Variants in TTC29 observed in about 807,000 individuals in gnomAD.
The protein encoded by TTC29 is tetratricopeptide repeat domain 29, also known as tetratricopeptide repeat protein 29.
In TTC29, 49 loss-of-function variants were observed where a neutral mutation model predicts 58.1. The observed-to-expected ratio is 0.84, with a 90% CI of 0.67 to 1.07. TTC29 has a LOEUF of 1.07. Among genes scored for constraint, TTC29 ranks in the 50% least tolerant of loss-of-function variants. The probability of loss-of-function intolerance (pLI) is 0.00; values close to 1 mark genes in which losing one functional copy is unlikely to be tolerated. For synonymous variants in TTC29, 209 were observed against 196.8 expected, an observed-to-expected ratio of 1.06 and a Z score of -0.52; for missense variants, 582 against 555.6, an observed-to-expected ratio of 1.05 and a Z score of -0.48.
intron 4 of TTC29, among the ~76,000 whole-genome samples, chr4:146,933,535 T>C (rs1560733725): frequency 6.6e-6 from 1 of 152,314 alleles, no homozygotes; most frequent in East Asian, 1.9e-4. Context: ...AGTACAGAAG[T>C]ACAGAAACTC....
Position 146,820,209 on chromosome 4 carries a change from T to G in TTC29, c.1017A>C (p.Lys339Asn). 6.2e-7 allele frequency: 1 copy of G among 1,612,932 alleles called. No homozygotes were observed. The highest frequency in any genetic ancestry group is 1.3e-5 in the African/African-American group (1 of 75,040). Residue 339 changes from lysine to asparagine, a missense_variant, in exon 10 of 13, where the codon AAA becomes AAC. Lys to Asn is a moderately conservative substitution (Grantham distance 94). Coordinates refer to ENST00000325106, the MANE Select transcript of TTC29 (RefSeq NM_031956.4). ...AATTGTTTCTTGCAATTTTCACAAA[T>G]TTTTTCAAGTATTTAATTGCTTCTG... ...EMTEAIKYLK[K>N]FVKIARNNFQ...
intron 11 of TTC29, among the ~76,000 whole-genome samples, chr4:146,788,922 A>T (rs1409658806): frequency 6.6e-6 from 1 of 152,134 alleles, no homozygotes; most frequent in Non-Finnish European, 1.5e-5. Flanking sequence ...TTGGGATCAG[A>T]GAGGAAAAGA....
chr4:146,728,772 CACATATAT>C (rs1561066029), intron 11 of TTC29, among the ~76,000 whole-genome samples: 68 of 124,478 alleles, frequency 5.5e-4, no homozygotes, highest in African/African-American at 2.0e-3. Flanking sequence ...CATATATATA[CACATATAT>C]ATGTGTATAT....
Position 146,707,533 on chromosome 4 carries a change from G to A in TTC29, c.1349C>T (p.Thr450Ile), listed in dbSNP as rs1421857062. 2 of 1,606,494 alleles carry A rather than the reference G, an allele frequency of 1.2e-6. No homozygotes were observed. Among genetic ancestry groups the A allele is most frequent in the Non-Finnish European group, 1.7e-6 (2 of 1,176,554 alleles). Residue 450 changes from threonine (T) to isoleucine (I), a missense_variant, in exon 12 of 13, where the codon ACA (threonine) becomes ATA (isoleucine). Thr to Ile is a moderately conservative substitution (Grantham distance 89). Coordinates refer to ENST00000325106, the MANE Select transcript of TTC29 (RefSeq NM_031956.4). ...TGAGTTTTGAGATACAGCTTCCACT[G>A]TGGATCCTCTAAACTCTTCTAAAAA... ...DPVTEEFRGS[T>I]VEAVSQNSER...
At chr4:146,931,466 G>C (rs1002178826) in intron 4 of TTC29, among the ~76,000 whole-genome samples, 1 of 152,134 alleles carries the variant, frequency 6.6e-6, no homozygotes, top group African/African-American at 2.4e-5. Flanking sequence ...GTTTCATATA[G>C]AGAATCTCAT....
chr4:146,726,870 C>T (rs574350481), intron 11 of TTC29, among the ~76,000 whole-genome samples: 30 of 152,064 alleles, frequency 2.0e-4, no homozygotes, highest in African/African-American at 6.7e-4. Context: ...CTCTGTGGAT[C>T]ACATTCCTTA....
chr4:146,815,382 G>A (rs1190764464), intron 10 of TTC29, among the ~76,000 whole-genome samples: 1 of 152,184 alleles, frequency 6.6e-6, no homozygotes, highest in Admixed American at 6.5e-5. Context: ...TAAGTGACTG[G>A]GTGGATGGAT....
intron 11 of TTC29, among the ~76,000 whole-genome samples, chr4:146,715,547 A>G (rs1504354): frequency 0.22 from 33,947 of 152,070 alleles, 4,623 homozygotes; most frequent in East Asian, 0.36. Context: ...ACTGACATGT[A>G]GAAGCTAAAA....
chr4:146,809,009 A>C (rs1579724062), intron 10 of TTC29, among the ~76,000 whole-genome samples: 1 of 151,454 alleles, frequency 6.6e-6, no homozygotes, highest in East Asian at 1.9e-4. Context: ...ACAGTAACCA[A>C]AACAGCATGG....
At chr4:146,920,935 T>C (rs921653425) in intron 4 of TTC29, among the ~76,000 whole-genome samples, 8 of 151,338 alleles carry the variant, frequency 5.3e-5, no homozygotes, top group African/African-American at 9.7e-5. Context: ...GTTTCTATTA[T>C]AGAAATAGTT....
rs1189402891 is a variant in TTC29, at chr4:146,817,778, A to G, written c.1101+2347T>C. The stretch of plus-strand genomic sequence containing the variant: ...GAACAGAGCCCTCAGAAATAACGCC[A>G]TGTATCTACAAGTATCTGATCTTTG... On this transcript the variant is annotated intron_variant, in intron 10 of 12. Transcript: ENST00000325106. 2.0e-5 allele frequency among the ~76,000 whole-genome samples: 3 copies of G among 152,192 alleles called. No individual in the cohort carries two copies. In the East Asian group the frequency reaches 5.8e-4, roughly 29 times the overall value.
At chr4:146,725,761 T>C (rs1223285448) in intron 11 of TTC29, among the ~76,000 whole-genome samples, 1 of 152,190 alleles carries the variant, frequency 6.6e-6, no homozygotes, top group Non-Finnish European at 1.5e-5. Context: ...CCAAATAGCC[T>C]ATATAGTTTA....
chr4:146,729,472 C>T (rs1252102152), intron 11 of TTC29, among the ~76,000 whole-genome samples: 1 of 151,954 alleles, frequency 6.6e-6, no homozygotes, highest in Non-Finnish European at 1.5e-5. Flanking sequence ...TATATTTTGT[C>T]ATGCAGAGTT....
intron 8 of TTC29, among the ~76,000 whole-genome samples, chr4:146,837,499 T>G (rs1728588829): frequency 6.6e-6 from 1 of 152,104 alleles, no homozygotes; most frequent in Admixed American, 6.6e-5. Flanking sequence ...ACTTAAAAGT[T>G]TTTTAAAAAG....
Position 146,945,768 on chromosome 4 carries a change from C to G in TTC29, c.-113G>C, listed in dbSNP as rs750594702. On this transcript the variant is annotated 5_prime_UTR_variant, in exon 1 of 13. Transcript: ENST00000325106. ...TTCCGTTCCGCCGAAGTCAGTCCCC[C>G]ACCGGCGGCAGGTGCTGGGCGTTGG... The G allele has an allele frequency of 6.6e-6, 1 of 152,448 alleles. No individual in the cohort carries two copies. The highest frequency in any genetic ancestry group is 1.5e-5 in the Non-Finnish European group (1 of 68,218). The allele number at this position is 152,448 out of a possible 1,614,324, so 9.4% of individuals were successfully genotyped here. A position where few individuals can be genotyped will look rare whatever the true frequency, so the allele number is the denominator to read the frequency against.
chr4:146,869,986 C>T (rs1032738480), intron 7 of TTC29, among the ~76,000 whole-genome samples: 9 of 151,724 alleles, frequency 5.9e-5, no homozygotes, highest in African/African-American at 2.2e-4. Context: ...AGGACAGAGA[C>T]ATAAAGAGAG....
intron 8 of TTC29, among the ~76,000 whole-genome samples, chr4:146,853,259 G>C (rs960761902): frequency 3.3e-5 from 5 of 151,878 alleles, no homozygotes; most frequent in African/African-American, 7.3e-5. Flanking sequence ...CATTATTCCA[G>C]CTTCTACAGA....
intron 8 of TTC29, among the ~76,000 whole-genome samples, chr4:146,846,076 C>T (rs1252274653): frequency 1.3e-5 from 2 of 151,808 alleles, no homozygotes; most frequent in Non-Finnish European, 2.9e-5. Context: ...CTATAACAAA[C>T]CATTGTATGT....
intron 11 of TTC29, among the ~76,000 whole-genome samples, chr4:146,714,826 G>A (rs368443138): frequency 1.4e-4 from 22 of 152,154 alleles, no homozygotes; most frequent in African/African-American, 5.1e-4. Flanking sequence ...GCATGACAAC[G>A]TTGCACAAAG....
Sources: gnomAD v4.1 joint callset for allele counts (sites outside exome capture counted in the v4.1 genomes callset) on GRCh38, gnomAD v4.1.1 for gene constraint, MANE v1.5 for transcripts, NCBI Gene and HGNC (gene_info 2026-07-23, HGNC 2026-07-21) for gene names.